The following CAMK4 variants were observed in gnomAD, a reference collection of about 807,000 sequenced individuals.
The protein encoded by CAMK4 is calcium/calmodulin-dependent protein kinase type IV.
CAMK4 carries 22 observed loss-of-function variants against 44.9 expected under a neutral mutation model. The ratio of observed to expected loss-of-function variants is 0.49; its 90% confidence interval spans 0.35 to 0.70. CAMK4 has a LOEUF of 0.70. CAMK4 is among the 30% of genes least tolerant of loss of function. The pLI, the probability that CAMK4 is intolerant of heterozygous loss-of-function variation, is 0.01. For missense variants in CAMK4, 498 were observed against 586.8 expected, an observed-to-expected ratio of 0.85 and a Z score of 1.56; for synonymous variants, 218 against 215.4, an observed-to-expected ratio of 1.01 and a Z score of -0.11.
chr5:111,442,071 T>C (rs1753841659), intron 5 of CAMK4, among the ~76,000 whole-genome samples: 1 of 152,224 alleles, frequency 6.6e-6, no homozygotes, highest in Non-Finnish European at 1.5e-5. Flanking sequence ...GCTCTTTAAA[T>C]TGATCTTTTT....
At chr5:111,310,377 G>C (rs1447998481) in intron 1 of CAMK4, among the ~76,000 whole-genome samples, 2 of 152,206 alleles carry the variant, frequency 1.3e-5, no homozygotes, top group Non-Finnish European at 2.9e-5. Flanking sequence ...TCGTGAGTAA[G>C]ACGTCAGGGA....
chr5:111,355,766 C>T (rs1423208326), intron 2 of CAMK4, among the ~76,000 whole-genome samples: 5 of 149,898 alleles, frequency 3.3e-5, no homozygotes, highest in Admixed American at 6.7e-5. Context: ...GGTTTTTTGT[C>T]CTTGCGATAG....
chr5:111,405,616 C>T (rs1297405854), intron 5 of CAMK4, among the ~76,000 whole-genome samples: 1 of 152,018 alleles, frequency 6.6e-6, no homozygotes, highest in Non-Finnish European at 1.5e-5. Context: ...TTAGTTATTT[C>T]TTGAAAGTAA....
At chr5:111,345,207 C>T (rs1749817365) in intron 2 of CAMK4, among the ~76,000 whole-genome samples, 1 of 151,842 alleles carries the variant, frequency 6.6e-6, no homozygotes, top group Non-Finnish European at 1.5e-5. Context: ...TTTAAACAAT[C>T]TGTTAGAATT....
intron 5 of CAMK4, among the ~76,000 whole-genome samples, chr5:111,435,637 G>T (rs543416317): frequency 6.6e-6 from 1 of 152,178 alleles, no homozygotes; most frequent in East Asian, 1.9e-4. Flanking sequence ...TTTTACTTTT[G>T]TGCTCCAATC....
At chr5:111,244,644 C>T (rs540835701) in intron 1 of CAMK4, among the ~76,000 whole-genome samples, 6 of 152,256 alleles carry the variant, frequency 3.9e-5, no homozygotes, top group East Asian at 3.9e-4. Context: ...AGGCGGATGT[C>T]GAGGTCAGGA....
rs1474928500 is a variant in CAMK4, at chr5:111,388,724, C to T, written c.387-5986C>T. Among the ~76,000 whole-genome samples the T allele has an allele frequency of 2.6e-5, 4 of 152,256 alleles. No homozygotes were observed. In the East Asian group the frequency reaches 5.8e-4, roughly 22 times the overall value. ...ATGAGTGCAGAGGCCATGTCCAGTT[C>T]ACTACTGAGTGGCCAGCACATAACA... is the stretch of plus-strand genomic sequence containing the variant. On this transcript the variant is annotated intron_variant, in intron 4 of 10. Transcript: ENST00000282356.
At chr5:111,244,727 G>A (rs775726644) in intron 1 of CAMK4, among the ~76,000 whole-genome samples, 9 of 152,080 alleles carry the variant, frequency 5.9e-5, no homozygotes, top group Non-Finnish European at 1.3e-4. Context: ...CGGGCATGGT[G>A]GTGCGTGCCT....
intron 1 of CAMK4, chr5:111,270,059 A>G (rs1459081980): frequency 1.3e-5 from 2 of 152,400 alleles, no homozygotes; most frequent in African/African-American, 2.4e-5. Context: ...CTCCAGTTCT[A>G]CAAGGGCTTC....
intron 5 of CAMK4, among the ~76,000 whole-genome samples, chr5:111,412,493 T>G (rs1235984468): frequency 6.6e-6 from 1 of 152,038 alleles, no homozygotes; most frequent in Non-Finnish European, 1.5e-5. Context: ...AAGGACAAAA[T>G]CAAACCAGCC....
intron 1 of CAMK4, among the ~76,000 whole-genome samples, chr5:111,233,149 G>A (rs1181859697): frequency 1.3e-5 from 2 of 152,278 alleles, no homozygotes; most frequent in African/African-American, 4.8e-5. Flanking sequence ...TCTGTGGTTT[G>A]CTAACCTAGA....
At chr5:111,356,651 T>A (rs1750369976) in intron 2 of CAMK4, among the ~76,000 whole-genome samples, 1 of 152,210 alleles carries the variant, frequency 6.6e-6, no homozygotes. Context: ...AACATGTAAG[T>A]CTTTTATCCA....
At chr5:111,239,676 T>C (rs1331746269) in intron 1 of CAMK4, among the ~76,000 whole-genome samples, 1 of 152,188 alleles carries the variant, frequency 6.6e-6, no homozygotes, top group Non-Finnish European at 1.5e-5. Flanking sequence ...GAGATAATAA[T>C]GATTAAATGA....
intron 1 of CAMK4, among the ~76,000 whole-genome samples, chr5:111,243,550 T>G (rs959370184): frequency 1.3e-4 from 20 of 152,238 alleles, no homozygotes; most frequent in African/African-American, 3.6e-4. Flanking sequence ...GTTTACTGCC[T>G]GCCAGTTATA....
intron 2 of CAMK4, among the ~76,000 whole-genome samples, chr5:111,370,398 T>TA (rs1750958724): frequency 6.6e-6 from 1 of 152,122 alleles, no homozygotes; most frequent in African/African-American, 2.4e-5. Flanking sequence ...TTAATATAAA[T>TA]ATATAATGTG....
rs567401407 is a variant in CAMK4 at position 111,341,278 on chromosome 5, A to C, written c.162-2746A>C. On this transcript the variant is annotated intron_variant, in intron 1 of 10. Coordinates refer to ENST00000282356, the MANE Select transcript of CAMK4 (RefSeq NM_001744.6). ...TATCTAAGAAATCATTGCCTAACTA[A>C]AGATCACAATCCTTTTTTTCTATGT... Among the ~76,000 whole-genome samples, 6 of 151,302 alleles carry C rather than the reference A, an allele frequency of 4.0e-5. No homozygotes were observed. In the South Asian group the frequency reaches 1.2e-3, roughly 31 times the overall value.
chr5:111,414,762 C>A (rs1335494001), intron 5 of CAMK4, among the ~76,000 whole-genome samples: 1 of 151,930 alleles, frequency 6.6e-6, no homozygotes, highest in East Asian at 1.9e-4. Context: ...AGAAAAAAGT[C>A]TGTTTATATT....
chr5:111,426,860 C>T (rs554975970), intron 5 of CAMK4, among the ~76,000 whole-genome samples: 2 of 152,272 alleles, frequency 1.3e-5, no homozygotes, highest in East Asian at 1.9e-4. Context: ...CTTGAGTTTC[C>T]ACAAACCTCA....
intron 1 of CAMK4, among the ~76,000 whole-genome samples, chr5:111,276,186 AACT>A (rs1750752660): frequency 6.6e-6 from 1 of 152,090 alleles, no homozygotes. Flanking sequence ...CTGTTTTGTG[AACT>A]ACTATTATTA....
Sources: allele counts gnomAD v4.1 joint callset (sites outside exome capture counted in the v4.1 genomes callset), GRCh38; gene constraint gnomAD v4.1.1; transcripts MANE v1.5; gene names NCBI Gene and HGNC (gene_info 2026-07-23, HGNC 2026-07-21).